DNAH3: variants seen among roughly 807,000 people sequenced by gnomAD.
DNAH3 encodes the protein axonemal beta dynein heavy chain 3.
In DNAH3, 332 loss-of-function variants were observed where a neutral mutation model predicts 432.5. The ratio of observed to expected loss-of-function variants is 0.77; its 90% CI spans 0.70 to 0.84. The LOEUF (loss-of-function observed/expected upper bound fraction) is 0.84. Ranked by LOEUF, DNAH3 falls within the 40% of genes least tolerant of loss-of-function variation. DNAH3 has a pLI of 0.00. For missense variants in DNAH3, 4,861 were observed against 5,114.0 expected, an observed-to-expected ratio of 0.95 and a Z score of 1.51; for synonymous variants, 1,956 against 1,900.2, an observed-to-expected ratio of 1.03 and a Z score of -0.76.
intron 15 of DNAH3, among the ~76,000 whole-genome samples, chr16:21,106,177 TAAAA>T (rs767198150): frequency 3.1e-5 from 3 of 97,554 alleles, no homozygotes; most frequent in Admixed American, 2.3e-4. Flanking sequence ...AGACTCCATC[TAAAA>T]AAAAAAAAAA....
Position 21,141,376 on chromosome 16 carries a change from GA to G in DNAH3, c.449-5del. On this transcript the variant is annotated splice_polypyrimidine_tract_variant and splice_region_variant and intron_variant, in intron 3 of 61. Transcript: ENST00000261383. Reference sequence around the variant, plus strand: ...GGCTCTGATGAGCTTCTATTTCCTGGAAGAATGGAGAAGAAAGACATCAGTG... The same window carrying G: ...GGCTCTGATGAGCTTCTATTTCCTGGAGAATGGAGAAGAAAGACATCAGTG... 1 of 1,580,070 alleles carries G rather than the reference GA, an allele frequency of 6.3e-7. No individual in the cohort carries two copies. The highest frequency in any genetic ancestry group is 8.6e-7 in the Non-Finnish European group (1 of 1,159,128).
At chr16:21,133,891 T>C (rs188958820) in intron 7 of DNAH3, among the ~76,000 whole-genome samples, 44 of 152,314 alleles carry the variant, frequency 2.9e-4, no homozygotes, top group Admixed American at 2.6e-4. Flanking sequence ...AAACTCTTAT[T>C]AACATTATCG....
chr16:20,966,301 A>T (rs2085061294), intron 52 of DNAH3, among the ~76,000 whole-genome samples: 2 of 151,698 alleles, frequency 1.3e-5, no homozygotes, highest in South Asian at 4.2e-4. Flanking sequence ...AGCCTCCCAA[A>T]GTGCTGGGAT....
rs374594409 is a variant in DNAH3 at position 20,982,728 on chromosome 16, G to T, written c.7852C>A (p.Arg2618=). 5.6e-6 allele frequency: 9 copies of T among 1,613,556 alleles called. No individual in the cohort carries two copies. The African/African-American group carries it at 8.0e-5, about 14-fold the overall frequency. ...AATGCAATCAACACTTACTCTACCC[G>T]AATGTTGTCATCAAGCTCCACATCC... The change falls in exon 49 of 62, where the codon CGG becomes AGG. Residue 2618 remains arginine, a synonymous_variant. Transcript: ENST00000261383.
chr16:21,148,140 A>G (rs952420779), intron 1 of DNAH3, among the ~76,000 whole-genome samples: 2 of 152,130 alleles, frequency 1.3e-5, no homozygotes, highest in African/African-American at 2.4e-5. Flanking sequence ...CAGGGGGCAT[A>G]TGACTATTAG....
intron 11 of DNAH3, among the ~76,000 whole-genome samples, chr16:21,117,633 C>A (rs1276279069): frequency 6.6e-6 from 1 of 152,192 alleles, no homozygotes; most frequent in Non-Finnish European, 1.5e-5. Flanking sequence ...ATGTTGGTTT[C>A]CCTGTTTCAG....
At chr16:20,941,517 G>C in exon 59 of DNAH3, 1 of 1,614,212 alleles carries the variant, frequency 6.2e-7, no homozygotes, top group East Asian at 2.2e-5. Flanking sequence ...TGGAGAGAAT[G>C]TCTTGTGCCA....
At chr16:21,134,173 C>CGTAG in intron 7 of DNAH3, 86 bp downstream of exon 8, 1 of 1,314,928 alleles carries the variant, frequency 7.6e-7, no homozygotes, top group African/African-American at 1.5e-5. Context: ...GTCAGGGCTA[C>CGTAG]CCCCACTGTG....
intron 48 of DNAH3, among the ~76,000 whole-genome samples, chr16:20,984,160 A>AGT (rs1381443075): frequency 9.0e-6 from 1 of 111,166 alleles, no homozygotes; most frequent in Admixed American, 9.0e-5. Context: ...TCCTTATCCC[A>AGT]ATGTGTGTGT....
At chr16:20,973,249 T>C (rs2085426718) in intron 51 of DNAH3, among the ~76,000 whole-genome samples, 1 of 152,036 alleles carries the variant, frequency 6.6e-6, no homozygotes, top group African/African-American at 2.4e-5. Context: ...CCCATGTCTG[T>C]CATTCTTTTT....
chr16:21,041,857 G>C (rs1245327175), intron 32 of DNAH3, among the ~76,000 whole-genome samples, 170 bp downstream of exon 32: 2 of 152,080 alleles, frequency 1.3e-5, no homozygotes, highest in African/African-American at 4.8e-5. Flanking sequence ...ATTTTTAGTA[G>C]AGATGGGGTT....
exon 48 of DNAH3, chr16:20,985,693 G>C: frequency 1.2e-6 from 2 of 1,613,852 alleles, no homozygotes; most frequent in Non-Finnish European, 1.7e-6. Context: ...TATCTTTCCA[G>C]TGGGTGACAA....
intron 5 of DNAH3, among the ~76,000 whole-genome samples, chr16:21,137,070 G>T (rs8058779): frequency 0.25 from 37,216 of 151,692 alleles, 4,655 homozygotes; most frequent in East Asian, 0.31. Flanking sequence ...GGAGGTGGAG[G>T]TTGCAGTGAG....
intron 59 of DNAH3, among the ~76,000 whole-genome samples, chr16:20,938,495 C>A (rs553492465): frequency 6.6e-6 from 1 of 151,884 alleles, no homozygotes; most frequent in East Asian, 1.9e-4. Context: ...TCTATTATAC[C>A]TAAAGACCTA....
intron 58 of DNAH3, among the ~76,000 whole-genome samples, chr16:20,943,075 C>G (rs1017554139): frequency 6.6e-6 from 1 of 151,786 alleles, no homozygotes; most frequent in Non-Finnish European, 1.5e-5. Flanking sequence ...AGGCACGCAC[C>G]ACCACACCCA....
At chr16:21,120,587 G>A (rs1164982980) in intron 11 of DNAH3, 1 of 662,632 alleles carries the variant, frequency 1.5e-6, no homozygotes, top group East Asian at 2.7e-5. Context: ...AGCTAGGGCT[G>A]TGGGTGTCAC....
intron 53 of DNAH3, 128 bp from the exon 54 acceptor site, chr16:20,959,532 G>C (rs2084718964): frequency 1.1e-6 from 1 of 879,084 alleles, no homozygotes; most frequent in African/African-American, 1.7e-5. Context: ...CACTTTGGGA[G>C]GCCGAGGTGG....
intron 8 of DNAH3, among the ~76,000 whole-genome samples, chr16:21,127,247 G>A (rs1398386912): frequency 2.0e-5 from 3 of 151,604 alleles, no homozygotes; most frequent in African/African-American, 7.3e-5. Context: ...GAAAGCAGCT[G>A]GACATGAAAA....
At chr16:21,145,243 A>G (rs1407632283) in exon 3 of DNAH3, 1 of 1,613,654 alleles carries the variant, frequency 6.2e-7, no homozygotes, top group South Asian at 1.1e-5. Context: ...CGGTTGGTAG[A>G]CCTTCAGCAG....
Sources: gnomAD v4.1 joint callset for allele counts (sites outside exome capture counted in the v4.1 genomes callset) on GRCh38, gnomAD v4.1.1 for gene constraint, MANE v1.5 for transcripts, NCBI Gene and HGNC (gene_info 2026-07-23, HGNC 2026-07-21) for gene names.